TMEM200C: variants seen among roughly 807,000 people sequenced by gnomAD.
The protein encoded by TMEM200C is transmembrane protein 200C, also known as transmembrane protein TTMA.
For synonymous variants in TMEM200C, 462 were observed against 324.7 expected, an observed-to-expected ratio of 1.42 and a Z score of -4.55; for missense variants, 966 against 699.9, an observed-to-expected ratio of 1.38 and a Z score of -4.29.
At chr18:5,883,000 C>T (rs1036900438) in exon 3 of TMEM200C, 9 of 151,920 alleles carry the variant, frequency 5.9e-5, no homozygotes, top group Non-Finnish European at 1.2e-4. Context: ...TATCATTTAC[C>T]ATGACATATT....
chr18:5,891,571 G>C lies in TMEM200C; in HGVS notation c.493C>G (p.Leu165Val). ...ATGATGAGGGGCCCGAAGACCTTGA[G>C]CTTGTCAGAGTGCAGGTAGCCAGAG... The change falls in exon 3 of 3, where the codon CTC becomes GTC. Residue 165 changes from leucine to valine, a missense_variant. By Grantham distance (32) the Leu-to-Val change is conservative (BLOSUM62 1). Coordinates refer to ENST00000581347, the Ensembl canonical transcript of TMEM200C. This position sits in a 1 kb window ranked among gnomAD's most constrained non-coding sequence, Gnocchi z 4.7. 6.2e-7 allele frequency: 1 copy of C among 1,613,830 alleles called. No homozygotes were observed. The highest frequency in any genetic ancestry group is 8.5e-7 in the Non-Finnish European group (1 of 1,179,838).
chr18:5,893,992 T>C (rs1428136385), intron 2 of TMEM200C, among the ~76,000 whole-genome samples: 1 of 152,232 alleles, frequency 6.6e-6, no homozygotes, highest in African/African-American at 2.4e-5. Flanking sequence ...ATAGAGACTG[T>C]TGTTTTAAGT....
exon 3 of TMEM200C, chr18:5,883,969 T>C (rs1187412126): frequency 6.6e-6 from 1 of 152,172 alleles, no homozygotes; most frequent in Non-Finnish European, 1.5e-5. Context: ...AAGAATTTAG[T>C]TTGTTAGTTC....
At chr18:5,884,384 G>C (rs1464905295) in exon 3 of TMEM200C, 3 of 152,022 alleles carry the variant, frequency 2.0e-5, no homozygotes, top group African/African-American at 7.2e-5. Context: ...TCAAGACTCA[G>C]CTGGAAGATT....
At position 5,891,373 on chromosome 18, in the gene TMEM200C, AGGCGGCGGC is replaced by A; in HGVS notation, c.682_690del (p.Ala228_Ala230del). The A allele has an allele frequency of 7.5e-7, 1 of 1,340,880 alleles. No individual in the cohort carries two copies. Among genetic ancestry groups the A allele is most frequent in the Non-Finnish European group, 9.5e-7 (1 of 1,053,168 alleles). 83.1% of individuals were successfully genotyped at this position (1,340,880 alleles called of 1,614,324 possible). Reference sequence around the variant, plus strand: ...GCGGCGGGGGCAGACGACGACGAAGAGGCGGCGGCGGCCGCGGCGGCGGCCGCGGCGGCC... The same window carrying A: ...GCGGCGGGGGCAGACGACGACGAAGAGGCCGCGGCGGCGGCCGCGGCGGCC... On this transcript the variant is annotated inframe_deletion, in exon 3 of 3. Transcript: ENST00000581347. This position sits in a 1 kb window ranked among gnomAD's most constrained non-coding sequence, Gnocchi z 4.7.
chr18:5,889,427 G>A (rs1392112424), exon 3 of TMEM200C: 1 of 152,066 alleles, frequency 6.6e-6, no homozygotes, highest in East Asian at 1.9e-4. Flanking sequence ...CTGTTTGTTC[G>A]GAAACTTCTT....
chr18:5,895,461 G>T (rs901816662), exon 2 of TMEM200C: 1 of 149,940 alleles, frequency 6.7e-6, no homozygotes, highest in African/African-American at 2.4e-5. Context: ...GGCTCGGGGC[G>T]GCCGGACTGG....
chr18:5,890,539 G>C (rs755704186), exon 3 of TMEM200C: 1 of 1,470,396 alleles, frequency 6.8e-7, no homozygotes, highest in South Asian at 1.5e-5. Context: ...AGCCGCAGGG[G>C]TGGCGAGGGG....
Position 5,891,124 on chromosome 18 carries a change from C to T in TMEM200C, c.940G>A (p.Glu314Lys), listed in dbSNP as rs2144450401. The change falls in exon 3 of 3, where the codon GAG becomes AAG. Residue 314 changes from glutamate to lysine, a missense_variant. Coordinates refer to ENST00000581347, the Ensembl canonical transcript of TMEM200C. The surrounding 1 kb of genome is among the most constrained non-coding windows in gnomAD (Gnocchi z 4.7). Reference sequence around the variant, plus strand: ...ACGGCCTCGGCCAGGCTCGGGGGCTCCCGCGGACAGCGCGGGGAAGAGGCC... The same window carrying T: ...ACGGCCTCGGCCAGGCTCGGGGGCTTCCGCGGACAGCGCGGGGAAGAGGCC... The T allele has an allele frequency of 2.0e-6, 1 of 499,532 alleles. No homozygotes were observed. The highest frequency in any genetic ancestry group is 2.0e-5 in the African/African-American group (1 of 49,354). The allele number at this position is 499,532 out of a possible 1,614,324, so 30.9% of individuals were successfully genotyped here.
exon 3 of TMEM200C, chr18:5,885,105 A>G (rs1388869446): frequency 1.3e-5 from 2 of 152,202 alleles, no homozygotes; most frequent in Admixed American, 6.5e-5. Flanking sequence ...TACATACAAA[A>G]TGATCTGTAA....
rs1377183240 is a variant in TMEM200C at position 5,892,159 on chromosome 18, T to TGCA, written c.-94-5_-94-3dup. On this transcript the variant is annotated splice_polypyrimidine_tract_variant and splice_region_variant and intron_variant, in intron 2 of 2. Transcript: ENST00000581347. Reference sequence around the variant, plus strand: ...TAGCTGCTCAGCCACCTCCTCCTGCTGCAAAGCAGAGGAAGACAGTCAGAG... The same window carrying TGCA: ...TAGCTGCTCAGCCACCTCCTCCTGCTGCAGCAAAGCAGAGGAAGACAGTCAGAG... 4 of 1,214,946 alleles carry TGCA rather than the reference T, an allele frequency of 3.3e-6. No individual in the cohort carries two copies. Among genetic ancestry groups the TGCA allele is most frequent in the Non-Finnish European group, 4.6e-6 (4 of 876,646 alleles). 75.3% of individuals were successfully genotyped at this position (1,214,946 alleles called of 1,614,324 possible). A position where few individuals can be genotyped will look rare whatever the true frequency, so the allele number is the denominator to read the frequency against.
exon 3 of TMEM200C, chr18:5,890,835 G>A (rs868330382): frequency 7.4e-6 from 5 of 676,916 alleles, no homozygotes; most frequent in Non-Finnish European, 1.3e-5. Flanking sequence ...GATCTCCTGG[G>A]AGCCGCGTTC....
chr18:5,886,026 T>A (rs1291909470), exon 3 of TMEM200C: 1 of 142,378 alleles, frequency 7.0e-6, no homozygotes, highest in Non-Finnish European at 1.6e-5. Context: ...GAAGATCTTA[T>A]TTATAAAATG....
chr18:5,895,188 C>G (rs999530508), exon 2 of TMEM200C: 1 of 151,948 alleles, frequency 6.6e-6, no homozygotes, highest in African/African-American at 2.4e-5. Flanking sequence ...CGGGGGCGAG[C>G]GCCCGCCCCA....
chr18:5,893,189 G>C (rs763034323), intron 2 of TMEM200C, among the ~76,000 whole-genome samples: 1 of 152,176 alleles, frequency 6.6e-6, no homozygotes, highest in Non-Finnish European at 1.5e-5. Flanking sequence ...GCATGCTACA[G>C]AGTCCCAGTA....
chr18:5,891,651 C>A lies in TMEM200C; in HGVS notation c.413G>T (p.Arg138Leu). 6.2e-7 allele frequency: 1 copy of A among 1,613,768 alleles called. No individual in the cohort carries two copies. ...GGAGGAGGAGGACGGGGAGGCGGCT[C>A]GTGCTGGAGGCGTGCTCCTGGGCGC... is the stretch of plus-strand genomic sequence containing the variant. Residue 138 changes from arginine to leucine, a missense_variant, in exon 3 of 3, where the codon CGA becomes CTA. Physicochemically the swap from Arg to Leu is moderately radical, Grantham distance 102 (BLOSUM62 -2). Transcript: ENST00000581347. This position sits in a 1 kb window ranked among gnomAD's most constrained non-coding sequence, Gnocchi z 4.7.
At chr18:5,890,282 C>T (rs1270158039) in exon 3 of TMEM200C, 1 of 1,597,484 alleles carries the variant, frequency 6.3e-7, no homozygotes, top group Non-Finnish European at 8.5e-7. Flanking sequence ...TGTTTGTAAA[C>T]TGCCTCTGCA....
At chr18:5,893,041 G>A (rs1286528941) in intron 2 of TMEM200C, among the ~76,000 whole-genome samples, 2 of 152,080 alleles carry the variant, frequency 1.3e-5, no homozygotes, top group Admixed American at 6.5e-5. Context: ...GGTATCATGT[G>A]TCAGATTTCA....
chr18:5,895,605 C>A (rs1398367146), intron 1 of TMEM200C, 83 bp from the exon 1 acceptor site: 2 of 146,030 alleles, frequency 1.4e-5, no homozygotes. Context: ...TCCGGCGCCC[C>A]CCCCCACGCC....
Sources: gnomAD v4.1 joint callset for allele counts (sites outside exome capture counted in the v4.1 genomes callset) on GRCh38, gnomAD v4.1.1 for gene constraint, Gnocchi (gnomAD v3.1) non-coding constraint, MANE v1.5 for transcripts, NCBI Gene and HGNC (gene_info 2026-07-23, HGNC 2026-07-21) for gene names.